Variants in GTF3C3 observed in about 807,000 individuals in gnomAD.
GTF3C3 encodes general transcription factor IIIC subunit 3.
A neutral mutation model predicts 105.2 loss-of-function variants in GTF3C3; 75 were observed. The ratio of observed to expected loss-of-function variants is 0.71; its 90% CI spans 0.59 to 0.86. The LOEUF is 0.86. Among genes scored for constraint, GTF3C3 ranks in the 40% least tolerant of loss-of-function variants. GTF3C3 has a pLI of 0.00. For synonymous variants in GTF3C3, 335 were observed against 370.4 expected, an observed-to-expected ratio of 0.90 and a Z score of 1.10; for missense variants, 856 against 1,076.5, an observed-to-expected ratio of 0.80 and a Z score of 2.87.
In GTF3C3 at chr2:196,799,603, C is replaced by T. The variant is rs1322757870; in HGVS notation, c.9G>A (p.Gly3=). 7 of 1,612,262 alleles carry T rather than the reference C, an allele frequency of 4.3e-6. No homozygotes were observed. Among genetic ancestry groups the T allele is most frequent in the Non-Finnish European group, 5.1e-6 (6 of 1,178,402 alleles). The part of the protein sequence containing the change: MS[G]FSPELIDYLE... ...AGTAGTCGATGAGTTCCGGACTGAA[C>T]CCTGACATGTTTACAGGGTCTGTCT... The change falls in exon 1 of 18, where the codon GGG becomes GGA. Residue 3 remains glycine (G), a synonymous_variant. Transcript: ENST00000263956.
At chr2:196,771,692 C>T in intron 15 of GTF3C3, 56 bp downstream of exon 15, 1 of 1,209,904 alleles carries the variant, frequency 8.3e-7, no homozygotes, top group Non-Finnish European at 1.2e-6. Context: ...AATCCAGAGG[C>T]TAGGCTCTTC....
chr2:196,792,674 G>A (rs1699570270), intron 3 of GTF3C3, among the ~76,000 whole-genome samples: 1 of 151,998 alleles, frequency 6.6e-6, no homozygotes, highest in Non-Finnish European at 1.5e-5. Flanking sequence ...GTCTTGTTCT[G>A]ACACCTAGGC....
intron 3 of GTF3C3, among the ~76,000 whole-genome samples, chr2:196,792,537 G>T (rs1304571223): frequency 3.3e-5 from 5 of 152,170 alleles, no homozygotes; most frequent in Admixed American, 1.3e-4. Flanking sequence ...GTGTGTCTGT[G>T]TGTGTGTTAG....
chr2:196,775,048 G>A (rs1699238575), intron 13 of GTF3C3, 68 bp downstream of exon 13: 3 of 1,131,428 alleles, frequency 2.7e-6, no homozygotes, highest in Non-Finnish European at 2.6e-6. Context: ...TTGCTGTCCA[G>A]TGTTACTTCA....
intron 6 of GTF3C3, 78 bp downstream of exon 6, chr2:196,789,126 A>G: frequency 8.3e-7 from 1 of 1,209,508 alleles, no homozygotes. Context: ...TGAAAAGTAC[A>G]TTCTATTCCA....
chr2:196,799,200 C>G (rs1424766008), intron 1 of GTF3C3: 2 of 265,722 alleles, frequency 7.5e-6, no homozygotes, highest in Non-Finnish European at 1.4e-5. Context: ...GAACCTGAAA[C>G]TGACTCCAAA....
At chr2:196,772,090 C>G (rs1699184782) in intron 14 of GTF3C3, 152 bp from the exon 15 acceptor site, 2 of 587,920 alleles carry the variant, frequency 3.4e-6, no homozygotes, top group Non-Finnish European at 6.0e-6. Flanking sequence ...TAAAGCAAAA[C>G]TCTCCTACGC....
At position 196,769,988 on chromosome 2, in the gene GTF3C3, A is replaced by G; in HGVS notation, c.2312T>C (p.Phe771Ser). ...RTHPDEPLYS[F>S]CIGLTFIHMA... ...ATGAATAAAGGTTAGGCCTATACAG[A>G]AGCTATAGAGAGGTTCGTCAGGGTG... is the stretch of plus-strand genomic sequence containing the variant. Residue 771 changes from phenylalanine to serine, a missense_variant, in exon 16 of 18, where the codon TTC (phenylalanine) becomes TCC (serine). Physicochemically the swap from Phe to Ser is radical, Grantham distance 155. Transcript: ENST00000263956. 6.3e-7 allele frequency: 1 copy of G among 1,591,362 alleles called. No individual in the cohort carries two copies. The highest frequency in any genetic ancestry group is 8.5e-7 in the Non-Finnish European group (1 of 1,171,968).
At chr2:196,792,834 T>C (rs896181886) in intron 3 of GTF3C3, 122 bp downstream of exon 3, 13 of 673,188 alleles carry the variant, frequency 1.9e-5, no homozygotes, top group African/African-American at 3.7e-5. Flanking sequence ...CAAATAACAA[T>C]AGTTGTGTCA....
In GTF3C3 at chr2:196,784,724, C is replaced by T. The variant is rs1044348036; in HGVS notation, c.1114+133G>A. On this transcript the variant is annotated intron_variant, in intron 8 of 17. Transcript: ENST00000263956. ...ATATGAAATCTCTGAGAAAAAAATG[C>T]TTCTTGGGAAAACTTATTATGAGAA... The T allele has an allele frequency of 1.8e-5, 20 of 1,120,906 alleles. No homozygotes were observed. In the African/African-American group the frequency reaches 3.0e-4, roughly 17 times the overall value. The allele number at this position is 1,120,906 out of a possible 1,614,324, so 69.4% of individuals were successfully genotyped here. A position where few individuals can be genotyped will look rare whatever the true frequency, so the allele number is the denominator to read the frequency against.
chr2:196,793,194 C>T, intron 2 of GTF3C3, 42 bp from the exon 3 acceptor site: 1 of 1,326,974 alleles, frequency 7.5e-7, no homozygotes, highest in Non-Finnish European at 1.0e-6. Context: ...GGGGAAGCTG[C>T]AGAATTCTCA....
At position 196,778,927 on chromosome 2, in the gene GTF3C3, G is replaced by T; in HGVS notation, c.1359C>A (p.Tyr453Ter). The change falls in exon 10 of 18, where the codon TAC becomes TAA. Residue 453 changes from tyrosine to a stop codon, truncating the protein, a stop_gained. Coordinates refer to ENST00000263956, the MANE Select transcript of GTF3C3 (RefSeq NM_012086.5). LOFTEE classifies it high-confidence loss of function. ...LLSALVCSER[Y>*]NLAVVWLRHA... ...GACGAAGCCAAACTACTGCAAGGTTGTATCTTTCAGAGCAAACAAGAGCAC... is the reference window on the plus strand; with the variant it reads ...GACGAAGCCAAACTACTGCAAGGTTTTATCTTTCAGAGCAAACAAGAGCAC... 5 of 1,614,040 alleles carry T rather than the reference G, an allele frequency of 3.1e-6. No individual in the cohort carries two copies. Among genetic ancestry groups the T allele is most frequent in the Non-Finnish European group, 4.2e-6 (5 of 1,179,928 alleles).
At chr2:196,781,342 G>GAA (rs769914255) in intron 8 of GTF3C3, among the ~76,000 whole-genome samples, 131 of 31,436 alleles carry the variant, frequency 4.2e-3, no homozygotes, top group South Asian at 6.7e-3. Context: ...ATGTTAAGGG[G>GAA]AAAAAAAAAA....
At position 196,799,596 on chromosome 2, in the gene GTF3C3, G is replaced by A; in HGVS notation, c.16C>T (p.Pro6Ser). The A allele has an allele frequency of 6.2e-7, 1 of 1,613,332 alleles. No homozygotes were observed. The change falls in exon 1 of 18, where the codon CCG (proline) becomes TCG (serine). Residue 6 changes from proline (P) to serine (S), a missense_variant. Physicochemically the swap from Pro to Ser is moderately conservative, Grantham distance 74 (BLOSUM62 -1). Around this residue, in one of 3 missense-constraint regions of GTF3C3, gnomAD observed 117 missense variants for 114.0 expected, o/e 1.03. Coordinates refer to ENST00000263956, the MANE Select transcript of GTF3C3 (RefSeq NM_012086.5). MSGFS[P>S]ELIDYLEGKI... ...CCTTCCAAGTAGTCGATGAGTTCCG[G>A]ACTGAACCCTGACATGTTTACAGGG...
At chr2:196,796,160 G>C (rs1699639933) in intron 2 of GTF3C3, among the ~76,000 whole-genome samples, 1 of 152,184 alleles carries the variant, frequency 6.6e-6, no homozygotes, top group African/African-American at 2.4e-5. Context: ...CTGAATACAT[G>C]CTCATACTCA....
intron 8 of GTF3C3, among the ~76,000 whole-genome samples, chr2:196,782,920 T>C (rs1699391182): frequency 6.6e-6 from 1 of 152,194 alleles, no homozygotes; most frequent in Admixed American, 6.5e-5. Context: ...ACACTATCTT[T>C]TAAAAAGCTT....
intron 2 of GTF3C3, among the ~76,000 whole-genome samples, 190 bp from the exon 3 acceptor site, chr2:196,793,342 G>A (rs1397415263): frequency 6.6e-6 from 1 of 152,112 alleles, no homozygotes; most frequent in East Asian, 1.9e-4. Context: ...TTATTATATA[G>A]GAACAGCTGA....
chr2:196,766,723 C>A lies in GTF3C3; in HGVS notation c.2386-6G>T. 2 of 1,600,528 alleles carry A rather than the reference C, an allele frequency of 1.2e-6. No individual in the cohort carries two copies. Among genetic ancestry groups the A allele is most frequent in the Non-Finnish European group, 8.5e-7 (1 of 1,173,874 alleles). On this transcript the variant is annotated splice_region_variant and splice_polypyrimidine_tract_variant and intron_variant, in intron 16 of 17. Transcript: ENST00000263956. ...CGATTAAGAAAGGAAAAGCCCTAACCAAAAAGAAAAAGATAATTCAATATT... is the reference window on the plus strand; with the variant it reads ...CGATTAAGAAAGGAAAAGCCCTAACAAAAAAGAAAAAGATAATTCAATATT...
In GTF3C3 at chr2:196,764,458, T is replaced by C. The variant is rs890333712; in HGVS notation, c.*105A>G. 1 of 1,027,226 alleles carries C rather than the reference T, an allele frequency of 9.7e-7. No homozygotes were observed. The highest frequency in any genetic ancestry group is 1.4e-6 in the Non-Finnish European group (1 of 725,404). 63.6% of individuals were successfully genotyped at this position (1,027,226 alleles called of 1,614,324 possible). A position where few individuals can be genotyped will look rare whatever the true frequency, so the allele number is the denominator to read the frequency against. On this transcript the variant is annotated 3_prime_UTR_variant, in exon 18 of 18. Transcript: ENST00000263956. ...AAATACACTGTTTGTTAGGTAATTC[T>C]GAAATTGTCATTTCTATTTTGGAGT...
Sources: gnomAD v4.1 joint callset for allele counts (sites outside exome capture counted in the v4.1 genomes callset) on GRCh38, gnomAD v4.1.1 for gene constraint, gnomAD v4.1.1 regional missense constraint, MANE v1.5 for transcripts, NCBI Gene and HGNC (gene_info 2026-07-23, HGNC 2026-07-21) for gene names.